Variants in CNTN6 observed in about 807,000 individuals in gnomAD.
CNTN6 encodes the protein contactin-6.
Under a neutral mutation model 122.8 loss-of-function variants are expected in CNTN6, and 137 were observed. The ratio of observed to expected loss-of-function variants is 1.12; its 90% CI spans 0.97 to 1.29. CNTN6 has a LOEUF of 1.29. Ranked by LOEUF, CNTN6 falls within the 50% of genes most tolerant of loss-of-function variation. CNTN6 has a pLI of 0.00. For missense variants in CNTN6, 1,634 were observed against 1,223.4 expected (o/e 1.34, Z -5.01); for synonymous variants, 570 against 426.0 (o/e 1.34, Z -4.16).
At chr3:1,166,878 C>T (rs2093262287) in intron 2 of CNTN6, among the ~76,000 whole-genome samples, 1 of 151,786 alleles carries the variant, frequency 6.6e-6, no homozygotes, top group Non-Finnish European at 1.5e-5. Flanking sequence ...ACACCAGGGC[C>T]TATTGGGGAG....
intron 4 of CNTN6, among the ~76,000 whole-genome samples, chr3:1,275,422 C>A (rs2125775405): frequency 6.6e-6 from 1 of 152,148 alleles, no homozygotes; most frequent in East Asian, 1.9e-4. Flanking sequence ...CTTTTATGTT[C>A]ACGTATTATT....
At chr3:1,297,236 G>A (rs999317252) in intron 6 of CNTN6, among the ~76,000 whole-genome samples, 7 of 151,928 alleles carry the variant, frequency 4.6e-5, no homozygotes, top group South Asian at 4.1e-4. Flanking sequence ...TTACTCTGTC[G>A]TTTGGTACAT....
intron 2 of CNTN6, among the ~76,000 whole-genome samples, chr3:1,186,958 GT>G (rs2093636548): frequency 6.6e-6 from 1 of 151,932 alleles, no homozygotes; most frequent in Non-Finnish European, 1.5e-5. Context: ...CCTATTTCAT[GT>G]TACCAAAGAG....
chr3:1,188,709 G>A (rs3772358), intron 2 of CNTN6, among the ~76,000 whole-genome samples: 17,947 of 152,236 alleles, frequency 0.12, 1,170 homozygotes, highest in East Asian at 0.23. Context: ...CAAAAATACA[G>A]TGAAAAATCT....
At chr3:1,373,486 A>C in intron 14 of CNTN6, 118 bp from the exon 15 acceptor site, 1 of 894,312 alleles carries the variant, frequency 1.1e-6, no homozygotes, top group Non-Finnish European at 1.7e-6. Flanking sequence ...TGTGCTATAA[A>C]TACATTATGG....
chr3:1,286,235 A>G (rs1694310832), intron 5 of CNTN6, among the ~76,000 whole-genome samples: 1 of 152,140 alleles, frequency 6.6e-6, no homozygotes, highest in African/African-American at 2.4e-5. Context: ...TCTGGGCCAC[A>G]TGTGAAGAAA....
chr3:1,232,415 T>C (rs1477225626), intron 4 of CNTN6, among the ~76,000 whole-genome samples: 1 of 152,134 alleles, frequency 6.6e-6, no homozygotes, highest in East Asian at 1.9e-4. Context: ...AGCTACTTCC[T>C]GTCTCAACAG....
At chr3:1,211,664 A>G (rs1011370811) in intron 2 of CNTN6, among the ~76,000 whole-genome samples, 1 of 151,570 alleles carries the variant, frequency 6.6e-6, no homozygotes, top group African/African-American at 2.4e-5. Context: ...TCTCTCTATC[A>G]TCTACTTATC....
chr3:1,218,583 G>A (rs2094160929), intron 2 of CNTN6, among the ~76,000 whole-genome samples: 1 of 152,118 alleles, frequency 6.6e-6, no homozygotes, highest in Admixed American at 6.5e-5. Context: ...AGTGATACGA[G>A]ACTAGTCACA....
intron 1 of CNTN6, among the ~76,000 whole-genome samples, chr3:1,137,185 G>C (rs2092498215): frequency 6.6e-6 from 1 of 152,096 alleles, no homozygotes; most frequent in Non-Finnish European, 1.5e-5. Context: ...GACTGGGCAG[G>C]TAATATGAAA....
Position 1,257,116 on chromosome 3 carries a change from G to T in CNTN6, c.359-21297G>T, listed in dbSNP as rs150248836. Reference sequence around the variant, plus strand: ...TTGTTGTTTTCATTTGGATGTCTAGGTTTATTTGTAAAATCAAACTTTTCT... The same window carrying T: ...TTGTTGTTTTCATTTGGATGTCTAGTTTTATTTGTAAAATCAAACTTTTCT... On this transcript the variant is annotated intron_variant, in intron 4 of 22. Coordinates refer to ENST00000446702, the MANE Select transcript of CNTN6 (RefSeq NM_001289080.2). Among the ~76,000 whole-genome samples the T allele has an allele frequency of 8.7e-3, 1,318 of 152,106 alleles. 8 individuals carry two copies. The highest frequency in any genetic ancestry group is 0.014 in the Admixed American group (217 of 15,266).
At chr3:1,300,468 G>GGA (rs1697036025) in intron 7 of CNTN6, among the ~76,000 whole-genome samples, 1 of 124,596 alleles carries the variant, frequency 8.0e-6, no homozygotes, top group African/African-American at 5.3e-5. Context: ...AGGAAGGAAG[G>GGA]AAGGAAGGAA....
intron 4 of CNTN6, among the ~76,000 whole-genome samples, chr3:1,258,749 G>A (rs114207400): frequency 0.032 from 4,888 of 152,126 alleles, 249 homozygotes; most frequent in African/African-American, 0.11. Flanking sequence ...TTAGGTTCAG[G>A]TTTTATCTGC....
intron 1 of CNTN6, among the ~76,000 whole-genome samples, chr3:1,114,617 A>C (rs2091631985): frequency 6.6e-6 from 1 of 152,190 alleles, no homozygotes; most frequent in Admixed American, 6.5e-5. Context: ...AAGAGAACAT[A>C]AATGTGGACA....
At chr3:1,245,123 G>A (rs1179532584) in intron 4 of CNTN6, among the ~76,000 whole-genome samples, 2 of 128,450 alleles carry the variant, frequency 1.6e-5, no homozygotes, top group African/African-American at 5.9e-5. Context: ...GTTTATATTA[G>A]CACAATTTGC....
chr3:1,387,222 G>A (rs1693150279), intron 20 of CNTN6, among the ~76,000 whole-genome samples: 1 of 152,200 alleles, frequency 6.6e-6, no homozygotes, highest in South Asian at 2.1e-4. Context: ...CTGTGGAACT[G>A]CAAAAGCCTG....
At position 1,372,341 on chromosome 3, in the gene CNTN6, C is replaced by A. The variant is rs1451680656; in HGVS notation, c.1535C>A (p.Thr512Lys). Residue 512 changes from threonine (T) to lysine (K), a missense_variant, in exon 13 of 23, where the codon ACA becomes AAA. By Grantham distance (78) the Thr-to-Lys change is moderately conservative. Transcript: ENST00000446702. ...GTCCCACCTTCCAAAATGGATGTTACAGTTGGCGAGAGTATAGTGCTACCA... is the reference window on the plus strand; with the variant it reads ...GTCCCACCTTCCAAAATGGATGTTAAAGTTGGCGAGAGTATAGTGCTACCA... ...ITVPPSKMDV[T>K]VGESIVLPCQ... The A allele has an allele frequency of 2.5e-6, 4 of 1,611,620 alleles. No individual in the cohort carries two copies. Among genetic ancestry groups the A allele is most frequent in the Non-Finnish European group, 3.4e-6 (4 of 1,178,928 alleles).
chr3:1,146,796 A>G (rs1426428134), intron 1 of CNTN6, among the ~76,000 whole-genome samples: 4 of 152,104 alleles, frequency 2.6e-5, no homozygotes, highest in Non-Finnish European at 4.4e-5. Context: ...AATAGATATA[A>G]CATATGATCT....
At chr3:1,380,696 C>A (rs1691730087) in intron 17 of CNTN6, among the ~76,000 whole-genome samples, 1 of 152,114 alleles carries the variant, frequency 6.6e-6, no homozygotes, top group Non-Finnish European at 1.5e-5. Flanking sequence ...TCAAAAGAGC[C>A]ACATACCACT....
Sources: gnomAD v4.1 joint callset for allele counts (sites outside exome capture counted in the v4.1 genomes callset) on GRCh38, gnomAD v4.1.1 for gene constraint, MANE v1.5 for transcripts, NCBI Gene and HGNC (gene_info 2026-07-23, HGNC 2026-07-21) for gene names.